RBMS1: variants seen among roughly 807,000 people sequenced by gnomAD.
RBMS1 encodes the protein RNA binding motif single stranded interacting protein 1.
RBMS1 carries 17 observed loss-of-function variants against 62.3 expected under a neutral mutation model. The observed-to-expected ratio is 0.27, with a 90% CI of 0.19 to 0.41. The LOEUF (loss-of-function observed/expected upper bound fraction) is 0.41. RBMS1 is among the 10% of genes least tolerant of loss of function. The probability of loss-of-function intolerance (pLI) is 1.00; values close to 1 mark genes in which losing one functional copy is unlikely to be tolerated. For synonymous variants in RBMS1, 172 were observed against 170.0 expected (o/e 1.01, Z -0.09); for missense variants, 334 against 504.5 (o/e 0.66, Z 3.24).
At chr2:160,383,458 G>T (rs955666958) in intron 1 of RBMS1, among the ~76,000 whole-genome samples, 10 of 150,572 alleles carry the variant, frequency 6.6e-5, no homozygotes, top group African/African-American at 1.5e-4. Context: ...TGAATTGGGG[G>T]GGGGGGAACT....
intron 3 of RBMS1, among the ~76,000 whole-genome samples, chr2:160,317,945 T>A (rs1161528373): frequency 2.6e-5 from 4 of 152,078 alleles, no homozygotes; most frequent in Non-Finnish European, 4.4e-5. Flanking sequence ...TGGCGTCAAA[T>A]CTGGAATTCT....
Position 160,493,650 on chromosome 2 carries a change from A to G in RBMS1, c.-287T>C, listed in dbSNP as rs1685971472. 2.1e-6 allele frequency: 1 copy of G among 483,258 alleles called. No homozygotes were observed. Among genetic ancestry groups the G allele is most frequent in the Non-Finnish European group, 3.7e-6 (1 of 266,834 alleles). The allele number at this position is 483,258 out of a possible 1,614,324, so 29.9% of individuals were successfully genotyped here. On this transcript the variant is annotated 5_prime_UTR_variant, in exon 1 of 14. Coordinates refer to ENST00000348849, the MANE Select transcript of RBMS1 (RefSeq NM_016836.4). Reference sequence around the variant, plus strand: ...AGGGCACCCCGGACAGGGCGCTCCCAAGGAGTTTCCTCCCGGAGCCCGACT... The same window carrying G: ...AGGGCACCCCGGACAGGGCGCTCCCGAGGAGTTTCCTCCCGGAGCCCGACT...
chr2:160,333,306 T>C (rs1237252046), intron 2 of RBMS1, among the ~76,000 whole-genome samples: 1 of 152,228 alleles, frequency 6.6e-6, no homozygotes, highest in East Asian at 1.9e-4. Context: ...ACACAGTATG[T>C]GTTGTAGAAT....
At chr2:160,422,781 T>C (rs916387092) in intron 1 of RBMS1, among the ~76,000 whole-genome samples, 3 of 152,198 alleles carry the variant, frequency 2.0e-5, no homozygotes, top group East Asian at 1.9e-4. Context: ...TCTATTCCTC[T>C]CCTGAGTTAC....
At chr2:160,296,782 T>C (rs1688956246) in intron 6 of RBMS1, among the ~76,000 whole-genome samples, 1 of 152,224 alleles carries the variant, frequency 6.6e-6, no homozygotes, top group African/African-American at 2.4e-5. Flanking sequence ...TATTTTTGCA[T>C]AGAAAAAGTG....
intron 1 of RBMS1, among the ~76,000 whole-genome samples, chr2:160,465,861 C>CAT (rs1283440653): frequency 0.021 from 2,335 of 112,668 alleles, 36 homozygotes; most frequent in African/African-American, 0.043. Context: ...CACACACACA[C>CAT]ACATACACAC....
chr2:160,299,221 T>C (rs1315151385), intron 6 of RBMS1, among the ~76,000 whole-genome samples: 1 of 152,168 alleles, frequency 6.6e-6, no homozygotes, highest in Non-Finnish European at 1.5e-5. Context: ...CACTTTTAAA[T>C]GTTGACATGA....
intron 1 of RBMS1, among the ~76,000 whole-genome samples, chr2:160,440,793 C>T (rs550345043): frequency 1.1e-4 from 16 of 152,374 alleles, no homozygotes; most frequent in African/African-American, 3.6e-4. Flanking sequence ...TCACTTACAA[C>T]ATCTTCTCAC....
At chr2:160,486,758 T>G (rs537879025) in intron 1 of RBMS1, among the ~76,000 whole-genome samples, 1 of 152,320 alleles carries the variant, frequency 6.6e-6, no homozygotes, top group South Asian at 2.1e-4. Context: ...TCTGAAGAAA[T>G]GCCAGCCCAC....
At chr2:160,446,543 C>G (rs1683656443) in intron 1 of RBMS1, among the ~76,000 whole-genome samples, 1 of 152,272 alleles carries the variant, frequency 6.6e-6, no homozygotes, top group East Asian at 1.9e-4. Flanking sequence ...TCAGCATCTT[C>G]ACTTTTCTCA....
At chr2:160,384,310 G>A (rs945759259) in intron 1 of RBMS1, among the ~76,000 whole-genome samples, 1 of 152,164 alleles carries the variant, frequency 6.6e-6, no homozygotes, top group African/African-American at 2.4e-5. Context: ...TGGGGTGGGG[G>A]TAAATTTAAG....
chr2:160,276,470 T>G (rs1687841378), intron 12 of RBMS1, among the ~76,000 whole-genome samples: 3 of 152,186 alleles, frequency 2.0e-5, no homozygotes, highest in Non-Finnish European at 4.4e-5. Flanking sequence ...ATTGGAACCT[T>G]TGGGATCTGC....
intron 1 of RBMS1, among the ~76,000 whole-genome samples, chr2:160,376,146 A>T (rs1331956778): frequency 6.6e-6 from 1 of 152,198 alleles, no homozygotes; most frequent in Non-Finnish European, 1.5e-5. Context: ...CCCATTCAAA[A>T]ACATACTTTC....
chr2:160,455,974 C>T (rs890843794), intron 1 of RBMS1, among the ~76,000 whole-genome samples: 1 of 152,028 alleles, frequency 6.6e-6, no homozygotes, highest in African/African-American at 2.4e-5. Context: ...TGAGCCACCG[C>T]GCCCGGCCCA....
intron 1 of RBMS1, among the ~76,000 whole-genome samples, chr2:160,391,395 T>C (rs919216283): frequency 5.3e-5 from 8 of 151,592 alleles, no homozygotes; most frequent in African/African-American, 1.9e-4. Flanking sequence ...GCTGACACCT[T>C]GAACTCAGAA....
At chr2:160,419,652 T>G (rs1451314570) in intron 1 of RBMS1, among the ~76,000 whole-genome samples, 3 of 152,226 alleles carry the variant, frequency 2.0e-5, no homozygotes, top group Non-Finnish European at 4.4e-5. Context: ...AAAAGACTTG[T>G]GAGGTTGATT....
intron 1 of RBMS1, among the ~76,000 whole-genome samples, chr2:160,449,839 T>C (rs1683887558): frequency 6.6e-6 from 1 of 151,620 alleles, no homozygotes; most frequent in South Asian, 2.1e-4. Context: ...TAAAAAAAAA[T>C]TAAAAAATGG....
chr2:160,401,345 C>T (rs573648205), intron 1 of RBMS1, among the ~76,000 whole-genome samples: 6 of 152,270 alleles, frequency 3.9e-5, no homozygotes, highest in East Asian at 1.9e-4. Flanking sequence ...CTGCTGCTGT[C>T]GTTATATTAA....
At chr2:160,310,118 T>C (rs1015715941) in intron 4 of RBMS1, among the ~76,000 whole-genome samples, 14 of 152,206 alleles carry the variant, frequency 9.2e-5, no homozygotes, top group Admixed American at 7.9e-4. Context: ...GTATTACACA[T>C]CAGTCAAAAT....
Sources: gnomAD v4.1 joint callset for allele counts (sites outside exome capture counted in the v4.1 genomes callset) on GRCh38, gnomAD v4.1.1 for gene constraint, MANE v1.5 for transcripts, NCBI Gene and HGNC (gene_info 2026-07-23, HGNC 2026-07-21) for gene names.